The following JHY variants were observed in gnomAD, a reference collection of about 807,000 sequenced individuals.
The protein encoded by JHY is jhy protein homolog.
A neutral mutation model predicts 78.0 loss-of-function variants in JHY; 69 were observed. The ratio of observed to expected loss-of-function variants is 0.88; its 90% CI spans 0.73 to 1.08. The LOEUF (loss-of-function observed/expected upper bound fraction) is 1.08. JHY is among the 50% of genes least tolerant of loss of function. The pLI is 0.00. For missense variants in JHY, 944 were observed against 927.8 expected, an observed-to-expected ratio of 1.02 and a Z score of -0.23; for synonymous variants, 368 against 342.6, an observed-to-expected ratio of 1.07 and a Z score of -0.82.
At chr11:122,954,895 A>G (rs1264566450) in intron 6 of JHY, among the ~76,000 whole-genome samples, 1 of 152,236 alleles carries the variant, frequency 6.6e-6, no homozygotes, top group Non-Finnish European at 1.5e-5. Context: ...ACTAACATCC[A>G]CAGTTAGGTA....
At position 122,935,825 on chromosome 11, in the gene JHY, A is replaced by G. The variant is rs1255647124; in HGVS notation, c.1634+750A>G. 6.6e-6 allele frequency among the ~76,000 whole-genome samples: 1 copy of G among 152,228 alleles called. No homozygotes were observed. Among genetic ancestry groups the G allele is most frequent in the African/African-American group, 2.4e-5 (1 of 41,470 alleles). Reference sequence around the variant, plus strand: ...ATAGGGAATGTTTAGGTAAATTATGATATTTAGTATCATGGAACCACTAAA... The same window carrying G: ...ATAGGGAATGTTTAGGTAAATTATGGTATTTAGTATCATGGAACCACTAAA... On this transcript the variant is annotated intron_variant, in intron 5 of 8. Coordinates refer to ENST00000227349, the MANE Select transcript of JHY (RefSeq NM_024806.4). The surrounding 1 kb of genome is among the most constrained non-coding windows in gnomAD (Gnocchi z 4.5).
At position 122,961,411 on chromosome 11, in the gene JHY, C is replaced by T. The variant is rs1437169593; in HGVS notation, c.*1966C>T. Among the ~76,000 whole-genome samples, 10 of 152,240 alleles carry T rather than the reference C, an allele frequency of 6.6e-5. No individual in the cohort carries two copies. The highest frequency in any genetic ancestry group is 7.4e-5 in the Non-Finnish European group (5 of 68,000). On this transcript the variant is annotated 3_prime_UTR_variant, in exon 9 of 9. Coordinates refer to ENST00000227349, the MANE Select transcript of JHY (RefSeq NM_024806.4). ...GCACAATCTCGGTTCACTGCAACTC[C>T]GCCTCCTGGATTCAAGCGATTCTCC...
At chr11:122,893,066 T>A (rs2135287925) in intron 2 of JHY, among the ~76,000 whole-genome samples, 1 of 152,306 alleles carries the variant, frequency 6.6e-6, no homozygotes. Flanking sequence ...TTTATTAGAT[T>A]TTCAATTTAA....
chr11:122,886,317 C>A, intron 2 of JHY, 124 bp downstream of exon 2: 1 of 892,956 alleles, frequency 1.1e-6, no homozygotes, highest in Non-Finnish European at 1.7e-6. Context: ...TGAGACAGGT[C>A]TCCAAGCAGC....
At chr11:122,900,514 T>G (rs1264321290) in intron 2 of JHY, among the ~76,000 whole-genome samples, 1 of 140,812 alleles carries the variant, frequency 7.1e-6, no homozygotes, top group African/African-American at 2.9e-5. Context: ...CTACCAGCTT[T>G]TTTTTTTTTT....
At chr11:122,886,696 C>T (rs530121252) in intron 2 of JHY, among the ~76,000 whole-genome samples, 133 of 152,312 alleles carry the variant, frequency 8.7e-4, no homozygotes, top group African/African-American at 3.1e-3. Context: ...AATCCTTCCA[C>T]TTCAGCCTCC....
intron 3 of JHY, among the ~76,000 whole-genome samples, chr11:122,922,522 A>G (rs1863388889): frequency 6.6e-6 from 1 of 152,144 alleles, no homozygotes; most frequent in Non-Finnish European, 1.5e-5. Flanking sequence ...GGTAAACAGC[A>G]GAGGGGAGGC....
Position 122,917,902 on chromosome 11 carries a change from CTTATTTAT to C in JHY, c.865-6988_865-6981del, listed in dbSNP as rs1272507883. Among the ~76,000 whole-genome samples, 2 of 151,476 alleles carry C rather than the reference CTTATTTAT, an allele frequency of 1.3e-5. No homozygotes were observed. Among genetic ancestry groups the C allele is most frequent in the African/African-American group, 4.9e-5 (2 of 40,984 alleles). On this transcript the variant is annotated intron_variant, in intron 3 of 8. Coordinates refer to ENST00000227349, the MANE Select transcript of JHY (RefSeq NM_024806.4). This position sits in a 1 kb window ranked among gnomAD's most constrained non-coding sequence, Gnocchi z 4.1. The stretch of plus-strand genomic sequence containing the variant: ...GCATATATTTATTTATTTTATTTTA[CTTATTTAT>C]TTATTTTGGAGACACAGTCTCACTC...
At position 122,904,424 on chromosome 11, in the gene JHY, G is replaced by C. The variant is rs1355842319; in HGVS notation, c.844G>C (p.Gly282Arg). Residue 282 changes from glycine to arginine, a missense_variant, in exon 3 of 9, where the codon GGG (glycine) becomes CGG (arginine). Physicochemically the swap from Gly to Arg is moderately radical, Grantham distance 125. Transcript: ENST00000227349. ...SYLQLHNKKRGESHPEQISYP... is the reference protein window; with the variant it reads ...SYLQLHNKKRRESHPEQISYP... ...TCTTCAACTTCACAATAAAAAAAGAGGGGAATCTCATCCAGAACAGGTACG... is the reference window on the plus strand; with the variant it reads ...TCTTCAACTTCACAATAAAAAAAGACGGGAATCTCATCCAGAACAGGTACG... The C allele has an allele frequency of 6.2e-7, 1 of 1,613,096 alleles. No homozygotes were observed. Among genetic ancestry groups the C allele is most frequent in the Admixed American group, 1.7e-5 (1 of 59,874 alleles).
intron 5 of JHY, among the ~76,000 whole-genome samples, chr11:122,937,167 C>T (rs564014558): frequency 2.3e-4 from 34 of 150,414 alleles, no homozygotes; most frequent in South Asian, 1.3e-3. Context: ...TGTCATAAAG[C>T]TTTTTGTAGT....
At chr11:122,947,027 T>G (rs1863979637) in intron 6 of JHY, 1 of 434,142 alleles carries the variant, frequency 2.3e-6, no homozygotes, top group Non-Finnish European at 4.0e-6. Flanking sequence ...CCTGTTCAAG[T>G]CATCTTGGCG....
intron 4 of JHY, among the ~76,000 whole-genome samples, chr11:122,932,395 A>G (rs1863654598): frequency 6.6e-6 from 1 of 152,250 alleles, no homozygotes; most frequent in Non-Finnish European, 1.5e-5. Flanking sequence ...CCCTGTGAAC[A>G]GGATTGTCAG....
intron 4 of JHY, among the ~76,000 whole-genome samples, chr11:122,933,442 A>T (rs1220336440): frequency 1.3e-5 from 2 of 152,248 alleles, no homozygotes; most frequent in African/African-American, 4.8e-5. Flanking sequence ...TGAGTGCTTT[A>T]TTCCTTGGAA....
In JHY at chr11:122,961,170, T is replaced by G. The variant is rs533667123; in HGVS notation, c.*1725T>G. 129 of 576,418 alleles carry G rather than the reference T, an allele frequency of 2.2e-4. No individual in the cohort carries two copies. In the African/African-American group the frequency reaches 2.4e-3, roughly 11 times the overall value. 35.7% of individuals were successfully genotyped at this position (576,418 alleles called of 1,614,324 possible). ...GGCTATGTGGCAAAATCTTTCTGTA[T>G]TGCCCTCTACTGAAGTAGATAGTTT... On this transcript the variant is annotated 3_prime_UTR_variant, in exon 9 of 9. Coordinates refer to ENST00000227349, the MANE Select transcript of JHY (RefSeq NM_024806.4).
intron 4 of JHY, among the ~76,000 whole-genome samples, chr11:122,931,019 A>AG (rs1189100010): frequency 6.6e-6 from 1 of 151,968 alleles, no homozygotes; most frequent in African/African-American, 2.4e-5. Flanking sequence ...CACACAATGG[A>AG]GGGGGGGAAT....
intron 5 of JHY, among the ~76,000 whole-genome samples, chr11:122,939,632 A>G (rs1441226477): frequency 1.3e-5 from 2 of 152,106 alleles, no homozygotes; most frequent in African/African-American, 4.8e-5. Flanking sequence ...CGTTTTTTCT[A>G]CCACCTTTTC....
intron 5 of JHY, among the ~76,000 whole-genome samples, chr11:122,939,822 G>T (rs188951437): frequency 6.6e-6 from 1 of 152,044 alleles, no homozygotes; most frequent in African/African-American, 2.4e-5. Context: ...TCAACATTCA[G>T]CCCCTAAGAA....
At chr11:122,889,840 C>A (rs140759268) in intron 2 of JHY, among the ~76,000 whole-genome samples, 19 of 152,188 alleles carry the variant, frequency 1.2e-4, no homozygotes, top group African/African-American at 4.6e-4. Context: ...CTCACTGCAA[C>A]CTGCGCCTCC....
In JHY at chr11:122,961,572, C is replaced by G. The variant is rs961841227; in HGVS notation, c.*2127C>G. ...GTTTCGCCATGTTGACCAGGCTGGT[C>G]TTGAACTCCTGATCTCAGGTGATCC... On this transcript the variant is annotated 3_prime_UTR_variant, in exon 9 of 9. Transcript: ENST00000227349. 6.6e-6 allele frequency among the ~76,000 whole-genome samples: 1 copy of G among 152,150 alleles called. No homozygotes were observed. The highest frequency in any genetic ancestry group is 1.5e-5 in the Non-Finnish European group (1 of 68,034).
Sources: allele counts gnomAD v4.1 joint callset (sites outside exome capture counted in the v4.1 genomes callset), GRCh38; gene constraint gnomAD v4.1.1; non-coding constraint Gnocchi (gnomAD v3.1); transcripts MANE v1.5; gene names NCBI Gene and HGNC (gene_info 2026-07-23, HGNC 2026-07-21).